PALM2AKAP2: variants seen among roughly 807,000 people sequenced by gnomAD.
PALM2AKAP2 encodes the protein PALM2 and AKAP2 fusion.
Under a neutral mutation model 71.5 loss-of-function variants are expected in PALM2AKAP2, and 37 were observed. The ratio of observed to expected loss-of-function variants is 0.52; its 90% CI spans 0.40 to 0.68. The LOEUF (loss-of-function observed/expected upper bound fraction) is 0.68, where lower values mean the gene tolerates loss of function less well. Ranked by LOEUF, PALM2AKAP2 falls within the 30% of genes least tolerant of loss-of-function variation. The pLI is 0.00. For synonymous variants in PALM2AKAP2, 468 were observed against 478.8 expected (o/e 0.98, Z 0.29); for missense variants, 1,224 against 1,191.8 (o/e 1.03, Z -0.40).
chr9:110,070,716 G>A (rs533980198), intron 1 of PALM2AKAP2, among the ~76,000 whole-genome samples: 47 of 152,296 alleles, frequency 3.1e-4, no homozygotes, highest in African/African-American at 1.1e-3. Context: ...ATAGAGAGAG[G>A]AGCCTGACCT....
At chr9:110,079,269 G>T (rs1385827369) in intron 1 of PALM2AKAP2, among the ~76,000 whole-genome samples, 1 of 152,102 alleles carries the variant, frequency 6.6e-6, no homozygotes, top group Non-Finnish European at 1.5e-5. Context: ...GCCGAGGTGG[G>T]TAGATCACCT....
chr9:109,733,573 C>T (rs1828586626), intron 1 of PALM2AKAP2, among the ~76,000 whole-genome samples: 1 of 152,152 alleles, frequency 6.6e-6, no homozygotes, highest in Admixed American at 6.5e-5. Context: ...GTGTGTAGGG[C>T]CATCTCCTTG....
At chr9:109,993,613 G>A (rs907777046) in intron 6 of PALM2AKAP2, among the ~76,000 whole-genome samples, 11 of 152,110 alleles carry the variant, frequency 7.2e-5, no homozygotes, top group African/African-American at 2.4e-4. Context: ...CATAATAAGG[G>A]GGAGTCCGTG....
chr9:110,051,554 A>G (rs1833710901), intron 1 of PALM2AKAP2, among the ~76,000 whole-genome samples: 1 of 152,192 alleles, frequency 6.6e-6, no homozygotes, highest in Non-Finnish European at 1.5e-5. Flanking sequence ...GTCTCTGCTT[A>G]TTAAGGTAAT....
chr9:109,703,180 A>C (rs1054547091), intron 1 of PALM2AKAP2, among the ~76,000 whole-genome samples: 1 of 152,186 alleles, frequency 6.6e-6, no homozygotes, highest in Non-Finnish European at 1.5e-5. Context: ...TCAAATATAC[A>C]TATATATAAC....
chr9:110,068,087 CTT>C (rs5899875), intron 1 of PALM2AKAP2, among the ~76,000 whole-genome samples: 2 of 122,932 alleles, frequency 1.6e-5, no homozygotes, highest in East Asian at 2.3e-4. Flanking sequence ...GTTCCAAACT[CTT>C]TTTTTTTTTT....
At chr9:109,684,757 A>G (rs549393034) in intron 1 of PALM2AKAP2, among the ~76,000 whole-genome samples, 5 of 152,346 alleles carry the variant, frequency 3.3e-5, no homozygotes, top group Admixed American at 3.3e-4. Flanking sequence ...AAAAGAGGTT[A>G]AACATATACT....
chr9:110,103,828 C>G (rs1835054561), intron 1 of PALM2AKAP2, among the ~76,000 whole-genome samples: 1 of 152,166 alleles, frequency 6.6e-6, no homozygotes, highest in Non-Finnish European at 1.5e-5. Context: ...GCCTTTGTTC[C>G]CAGAGCCTCT....
upstream of PALM2AKAP2, among the ~76,000 whole-genome samples, chr9:110,044,630 G>T (rs1833566175): frequency 6.6e-6 from 1 of 150,480 alleles, no homozygotes; most frequent in African/African-American, 2.4e-5. Context: ...GGGATTACAG[G>T]CGTGCCACCA....
intron 1 of PALM2AKAP2, among the ~76,000 whole-genome samples, chr9:109,675,560 C>T (rs1827635676): frequency 6.6e-6 from 1 of 152,092 alleles, no homozygotes; most frequent in Non-Finnish European, 1.5e-5. Context: ...TTTCTTTTTA[C>T]TACATATTAA....
intron 1 of PALM2AKAP2, among the ~76,000 whole-genome samples, chr9:110,098,690 C>T (rs1188252548): frequency 6.6e-6 from 1 of 152,166 alleles, no homozygotes; most frequent in Admixed American, 6.5e-5. Flanking sequence ...AAATGAAGAT[C>T]GCAATCCAGA....
chr9:109,903,780 C>T (rs184855555), intron 3 of PALM2AKAP2, among the ~76,000 whole-genome samples: 1 of 151,758 alleles, frequency 6.6e-6, no homozygotes, highest in East Asian at 1.9e-4. Flanking sequence ...GAACTTGCAT[C>T]AGATTTTCTG....
intron 5 of PALM2AKAP2, among the ~76,000 whole-genome samples, chr9:109,926,896 TC>T (rs1830969960): frequency 6.6e-6 from 1 of 152,194 alleles, no homozygotes; most frequent in Non-Finnish European, 1.5e-5. Context: ...CAAACTTCTT[TC>T]ATTTTCTTCT....
At chr9:109,669,027 C>T (rs184618718) in intron 1 of PALM2AKAP2, among the ~76,000 whole-genome samples, 68 of 152,282 alleles carry the variant, frequency 4.5e-4, no homozygotes, top group African/African-American at 1.5e-3. Flanking sequence ...ATATCATTGC[C>T]TCAAGTCTGC....
intron 1 of PALM2AKAP2, among the ~76,000 whole-genome samples, chr9:109,853,348 C>T (rs1829071620): frequency 6.6e-6 from 1 of 152,168 alleles, no homozygotes; most frequent in South Asian, 2.1e-4. Context: ...AAACCTTTGG[C>T]ATTTCAGTGT....
upstream of PALM2AKAP2, among the ~76,000 whole-genome samples, chr9:110,045,322 G>A (rs570815305): frequency 6.6e-6 from 1 of 152,238 alleles, no homozygotes; most frequent in South Asian, 2.1e-4. Flanking sequence ...ATACATCTAG[G>A]AGAGTAAATA....
At chr9:110,002,876 T>G (rs1832705416) in intron 6 of PALM2AKAP2, among the ~76,000 whole-genome samples, 2 of 152,242 alleles carry the variant, frequency 1.3e-5, no homozygotes, top group South Asian at 2.1e-4. Context: ...TTGGTGGTGA[T>G]ATCCCCTTTA....
At chr9:109,856,423 C>G (rs192049113) in intron 1 of PALM2AKAP2, among the ~76,000 whole-genome samples, 3 of 152,128 alleles carry the variant, frequency 2.0e-5, no homozygotes, top group Non-Finnish European at 4.4e-5. Context: ...AGATACATCA[C>G]GAAGTGAAGA....
chr9:109,808,216 G>A (rs1827633032), intron 1 of PALM2AKAP2, among the ~76,000 whole-genome samples: 1 of 152,226 alleles, frequency 6.6e-6, no homozygotes, highest in South Asian at 2.1e-4. Context: ...GTGCTCAGAA[G>A]AAGTCAGGAA....
Sources: allele counts gnomAD v4.1 joint callset (sites outside exome capture counted in the v4.1 genomes callset), GRCh38; gene constraint gnomAD v4.1.1; transcripts MANE v1.5; gene names NCBI Gene and HGNC (gene_info 2026-07-23, HGNC 2026-07-21).